Variants in ENOX2 observed in about 807,000 individuals in gnomAD.
The protein encoded by ENOX2 is ecto-NOX disulfide-thiol exchanger 2, also known as APK1 antigen.
In ENOX2, 36 loss-of-function variants were observed where a neutral mutation model predicts 45.0. That is an observed-to-expected ratio of 0.80 (90% CI 0.61 to 1.06). The LOEUF is 1.06. Ranked by LOEUF, ENOX2 falls within the 50% of genes least tolerant of loss-of-function variation. The pLI, the probability that ENOX2 is intolerant of heterozygous loss-of-function variation, is 0.00. For missense variants in ENOX2, 423 were observed against 462.5 expected, an observed-to-expected ratio of 0.91 and a Z score of 0.78; for synonymous variants, 174 against 152.3, an observed-to-expected ratio of 1.14 and a Z score of -1.05.
chrX:130,723,875 G>A (rs1266517224), intron 3 of ENOX2, among the ~76,000 whole-genome samples: 1 of 111,285 alleles, frequency 9.0e-6, no homozygotes, highest in African/African-American at 3.3e-5. Flanking sequence ...ATAGCTAACC[G>A]GGCACCCTTG....
At chrX:130,773,638 CT>C (rs2039791812) in intron 3 of ENOX2, among the ~76,000 whole-genome samples, 1 of 111,965 alleles carries the variant, frequency 8.9e-6, no homozygotes, top group African/African-American at 3.2e-5. Context: ...AACCTGCCCC[CT>C]CTCCCAAAAT....
chrX:130,871,015 C>A (rs1394553235), intron 2 of ENOX2, among the ~76,000 whole-genome samples: 1 of 110,274 alleles, frequency 9.1e-6, no homozygotes, highest in East Asian at 2.9e-4. Context: ...CATCAAATAG[C>A]ATTTCTATAT....
intron 8 of ENOX2, among the ~76,000 whole-genome samples, chrX:130,666,553 T>A (rs1009037084): frequency 2.4e-4 from 27 of 111,512 alleles, no homozygotes; most frequent in African/African-American, 8.8e-4. Flanking sequence ...AGGTATTATT[T>A]TTTTTTTCTT....
intron 2 of ENOX2, among the ~76,000 whole-genome samples, chrX:130,826,131 T>G (rs1011669136): frequency 2.7e-5 from 3 of 111,162 alleles, no homozygotes; most frequent in African/African-American, 9.8e-5. Flanking sequence ...TATTTAAAAT[T>G]TTTCATAATA....
chrX:130,691,741 C>T (rs1001473463), intron 4 of ENOX2, among the ~76,000 whole-genome samples: 1 of 112,309 alleles, frequency 8.9e-6, no homozygotes, highest in African/African-American at 3.2e-5. Context: ...CCTTGTTATT[C>T]GTATAGCTCT....
At chrX:130,797,497 G>A (rs1024187505) in intron 2 of ENOX2, among the ~76,000 whole-genome samples, 2 of 102,434 alleles carry the variant, frequency 2.0e-5, no homozygotes, top group Admixed American at 1.0e-4. Context: ...CTCCCGCCCC[G>A]CCCTGACATT....
chrX:130,693,989 T>C (rs2148195232), intron 4 of ENOX2, among the ~76,000 whole-genome samples: 1 of 111,828 alleles, frequency 8.9e-6, no homozygotes, highest in African/African-American at 3.2e-5. Flanking sequence ...CAGTCTTGTA[T>C]CTGTCCTTAC....
chrX:130,841,581 T>C (rs1176467462), intron 2 of ENOX2, among the ~76,000 whole-genome samples: 1 of 111,999 alleles, frequency 8.9e-6, no homozygotes, highest in Non-Finnish European at 1.9e-5. Context: ...TCCTTGTTGC[T>C]GTCCCTCAAC....
intron 2 of ENOX2, among the ~76,000 whole-genome samples, chrX:130,807,632 T>C (rs940696694): frequency 2.7e-5 from 3 of 111,982 alleles, no homozygotes; most frequent in Non-Finnish European, 5.6e-5. Flanking sequence ...TCTAAAATTA[T>C]TCATTTTAGT....
chrX:130,627,181 C>T (rs2035568654), intron 14 of ENOX2, among the ~76,000 whole-genome samples: 1 of 111,493 alleles, frequency 9.0e-6, no homozygotes. Flanking sequence ...ACCTGCCTCC[C>T]TTGTTTTGTA....
intron 3 of ENOX2, among the ~76,000 whole-genome samples, chrX:130,765,039 T>C (rs767752559): frequency 9.0e-6 from 1 of 111,378 alleles, no homozygotes; most frequent in African/African-American, 3.3e-5. Context: ...TAAGTAATGC[T>C]AGCAATGACA....
At chrX:130,853,378 G>A (rs1425351437) in intron 2 of ENOX2, among the ~76,000 whole-genome samples, 1 of 104,601 alleles carries the variant, frequency 9.6e-6, no homozygotes, top group African/African-American at 3.5e-5. Context: ...GCAGGAGAAT[G>A]GCGTGAACCC....
chrX:130,643,314 CA>C lies in ENOX2; in HGVS notation c.1130-5905del, dbSNP rs1242679818. 6.4e-5 allele frequency among the ~76,000 whole-genome samples: 7 copies of C among 110,049 alleles called. No individual in the cohort carries two copies. The South Asian group carries it at 2.3e-3, about 37-fold the overall frequency. Reference sequence around the variant, plus strand: ...AAGGGTAACCAAAAGAAAACAGCAACAAACATGGTAGATATTTATCCAACTA... The same window carrying C: ...AAGGGTAACCAAAAGAAAACAGCAACAACATGGTAGATATTTATCCAACTA... On this transcript the variant is annotated intron_variant, in intron 10 of 14. Coordinates refer to ENST00000394363, the MANE Select transcript of ENOX2 (RefSeq NM_006375.4).
At chrX:130,703,316 A>G (rs1170033455) in intron 3 of ENOX2, 62 bp from the exon 4 acceptor site, 1 of 1,059,554 alleles carries the variant, frequency 9.4e-7, no homozygotes, top group Non-Finnish European at 1.3e-6. Context: ...TAGTTTACTT[A>G]TAAACATAAA....
intron 2 of ENOX2, among the ~76,000 whole-genome samples, chrX:130,784,252 C>T (rs1178314670): frequency 9.0e-6 from 1 of 111,538 alleles, no homozygotes; most frequent in African/African-American, 3.3e-5. Context: ...GAATTATGAC[C>T]TAGATTTCGG....
chrX:130,664,594 A>G (rs1387491977), intron 9 of ENOX2, among the ~76,000 whole-genome samples: 2 of 112,441 alleles, frequency 1.8e-5, no homozygotes, highest in Non-Finnish European at 3.8e-5. Flanking sequence ...CTCATCCTAT[A>G]AGACTGGTTT....
intron 2 of ENOX2, among the ~76,000 whole-genome samples, chrX:130,834,517 A>C (rs1296723648): frequency 9.0e-6 from 1 of 111,122 alleles, no homozygotes; most frequent in Non-Finnish European, 1.9e-5. Flanking sequence ...GGAATATAAC[A>C]AAGCAGGATC....
chrX:130,852,569 G>C (rs2078231497), intron 2 of ENOX2, among the ~76,000 whole-genome samples: 1 of 111,855 alleles, frequency 8.9e-6, no homozygotes, highest in Non-Finnish European at 1.9e-5. Context: ...TTTGAGCATG[G>C]CTTTAAATGA....
At chrX:130,869,995 G>A (rs760865941) in intron 2 of ENOX2, among the ~76,000 whole-genome samples, 1 of 111,864 alleles carries the variant, frequency 8.9e-6, no homozygotes, top group East Asian at 2.8e-4. Context: ...GAAAGAGAGA[G>A]AGGAAGAAGG....
Sources: gnomAD v4.1 joint callset for allele counts (sites outside exome capture counted in the v4.1 genomes callset) on GRCh38, gnomAD v4.1.1 for gene constraint, MANE v1.5 for transcripts, NCBI Gene and HGNC (gene_info 2026-07-23, HGNC 2026-07-21) for gene names.